The following RAB11A variants were observed in gnomAD, a reference collection of about 807,000 sequenced individuals.
The protein encoded by RAB11A is RAB11A, member RAS oncogene family.
Under a neutral mutation model 28.0 loss-of-function variants are expected in RAB11A, and 9 were observed. The ratio of observed to expected loss-of-function variants is 0.32; its 90% CI spans 0.19 to 0.56. The LOEUF (loss-of-function observed/expected upper bound fraction) is 0.56. Among genes scored for constraint, RAB11A ranks in the 20% least tolerant of loss-of-function variants. The pLI, the probability that RAB11A is intolerant of heterozygous loss-of-function variation, is 0.91. For missense variants in RAB11A, 108 were observed against 269.6 expected (o/e 0.40, Z 4.20); for synonymous variants, 85 against 88.2 (o/e 0.96, Z 0.20).
intron 1 of RAB11A, among the ~76,000 whole-genome samples, chr15:65,874,966 T>C (rs1466737364): frequency 6.6e-6 from 1 of 152,198 alleles, no homozygotes; most frequent in African/African-American, 2.4e-5. Flanking sequence ...GAGGATCCTC[T>C]GAGCCTGGGA....
chr15:65,877,290 G>A lies in RAB11A; in HGVS notation c.41-42G>A, dbSNP rs2078196568. The A allele has an allele frequency of 4.0e-6, 6 of 1,499,604 alleles. No individual in the cohort carries two copies. Among genetic ancestry groups the A allele is most frequent in the South Asian group, 1.2e-5 (1 of 83,044 alleles). 92.9% of individuals were successfully genotyped at this position (1,499,604 alleles called of 1,614,324 possible). A position where few individuals can be genotyped will look rare whatever the true frequency, so the allele number is the denominator to read the frequency against. ...GAAAGCATAGTGGTGTTCTGAATAT[G>A]TTTGCCTCATTCATCTGACATTGAA... On this transcript the variant is annotated intron_variant, in intron 1 of 4. Coordinates refer to ENST00000261890, the MANE Select transcript of RAB11A (RefSeq NM_004663.5). The surrounding 1 kb of genome is among the most constrained non-coding windows in gnomAD (Gnocchi z 4.1).
chr15:65,878,737 T>C (rs539154617), intron 3 of RAB11A, among the ~76,000 whole-genome samples: 1 of 152,344 alleles, frequency 6.6e-6, no homozygotes, highest in South Asian at 2.1e-4. Context: ...CACTAATGCT[T>C]ATGCTATGAA....
chr15:65,885,709 A>C (rs2078252197), intron 4 of RAB11A, among the ~76,000 whole-genome samples: 1 of 152,248 alleles, frequency 6.6e-6, no homozygotes, highest in African/African-American at 2.4e-5. Flanking sequence ...TAGGAGATCT[A>C]AATAGAAACC....
At position 65,887,795 on chromosome 15, in the gene RAB11A, A is replaced by G; in HGVS notation, c.606A>G (p.Pro202=). 6.2e-7 allele frequency: 1 copy of G among 1,613,706 alleles called. No individual in the cohort carries two copies. The highest frequency in any genetic ancestry group is 1.1e-5 in the South Asian group (1 of 91,008). ...SNNVVPIHVP[P]TTENKPKVQC... ...ATGTGGTTCCTATTCATGTTCCACCAACCACTGAAAACAAGCCAAAGGTGC... is the reference window on the plus strand; with the variant it reads ...ATGTGGTTCCTATTCATGTTCCACCGACCACTGAAAACAAGCCAAAGGTGC... Residue 202 remains proline, a synonymous_variant, in exon 5 of 5, where the codon CCA becomes CCG. Transcript: ENST00000261890.
intron 3 of RAB11A, among the ~76,000 whole-genome samples, chr15:65,878,373 T>C (rs2078201693): frequency 1.3e-5 from 2 of 152,096 alleles, no homozygotes; most frequent in Non-Finnish European, 2.9e-5. Context: ...GAAGACAACA[T>C]TGTGCATTGT....
At chr15:65,880,203 C>T (rs142482617) in intron 4 of RAB11A, among the ~76,000 whole-genome samples, 1 of 152,052 alleles carries the variant, frequency 6.6e-6, no homozygotes, top group Non-Finnish European at 1.5e-5. Flanking sequence ...GTATCCCTTG[C>T]GTATTCTATA....
rs915546937 is a variant in RAB11A, at chr15:65,869,545, A to G, written c.-41A>G. 5.0e-6 allele frequency: 8 copies of G among 1,604,670 alleles called. No individual in the cohort carries two copies. The highest frequency in any genetic ancestry group is 1.7e-5 in the Admixed American group (1 of 59,714). On this transcript the variant is annotated 5_prime_UTR_variant, in exon 1 of 5. Transcript: ENST00000261890. ...GCAGCGACGCCCCCTGGTCCCACAG[A>G]TACCACTGCTGCTCCCGCCCTTTCG...
Position 65,877,429 on chromosome 15 carries a change from A to G in RAB11A, c.138A>G (p.Val46=), listed in dbSNP as rs771254965. 6 of 1,614,016 alleles carry G rather than the reference A, an allele frequency of 3.7e-6. No individual in the cohort carries two copies. Among genetic ancestry groups the G allele is most frequent in the Non-Finnish European group, 5.1e-6 (6 of 1,179,972 alleles). The change falls in exon 2 of 5, where the codon GTA becomes GTG. Residue 46 remains valine (V), a synonymous_variant. Transcript: ENST00000261890. The surrounding 1 kb of genome is among the most constrained non-coding windows in gnomAD (Gnocchi z 4.1). ...TGGAAAGCAAGAGCACCATTGGAGT[A>G]GAGTTTGCAACAAGAAGCATCCAGG... ...FNLESKSTIG[V]EFATRSIQVD...
chr15:65,874,484 A>G (rs1596783077), intron 1 of RAB11A, among the ~76,000 whole-genome samples: 1 of 151,808 alleles, frequency 6.6e-6, no homozygotes, highest in African/African-American at 2.4e-5. Flanking sequence ...CAGGTGATCC[A>G]CCCTCCTTGG....
At chr15:65,869,735 C>A in intron 1 of RAB11A, 110 bp downstream of exon 1, 4 of 1,188,812 alleles carry the variant, frequency 3.4e-6, no homozygotes, top group Non-Finnish European at 4.6e-6. Context: ...CTCCCTCAGC[C>A]CTTCCTTTTT....
At chr15:65,887,565 A>T in intron 4 of RAB11A, 136 bp from the exon 5 acceptor site, 2 of 817,034 alleles carry the variant, frequency 2.4e-6, no homozygotes, top group East Asian at 6.4e-5. Context: ...TGAAAATAAA[A>T]CTTTAAATTT....
intron 4 of RAB11A, 78 bp downstream of exon 4, chr15:65,879,829 T>C: frequency 1.8e-6 from 2 of 1,103,356 alleles, no homozygotes; most frequent in Admixed American, 4.2e-5. Context: ...AATCAGTAAC[T>C]AAACTATATA....
In RAB11A at chr15:65,890,122, A is replaced by T. The variant is rs2078281214; in HGVS notation, c.*2282A>T. 1 of 149,852 alleles carries T rather than the reference A, an allele frequency of 6.7e-6. No individual in the cohort carries two copies. Among genetic ancestry groups the T allele is most frequent in the South Asian group, 2.1e-4 (1 of 4,772 alleles). The allele number at this position is 149,852 out of a possible 1,614,324, so 9.3% of individuals were successfully genotyped here. On this transcript the variant is annotated 3_prime_UTR_variant, in exon 5 of 5. Transcript: ENST00000261890. The stretch of plus-strand genomic sequence containing the variant: ...GCCCAGGCTGGAGTACAATGGCACC[A>T]TCTCAGCTCACTGCAAGCTCCACCT...
In RAB11A at chr15:65,891,644, T is replaced by C. The variant is rs2078297439; in HGVS notation, c.*3804T>C. ...CAATTAAAGCCAAATTATTAACATT[T>C]TAACTCAAGTTTAAATTTAATAGAG... On this transcript the variant is annotated 3_prime_UTR_variant, in exon 5 of 5. Coordinates refer to ENST00000261890, the MANE Select transcript of RAB11A (RefSeq NM_004663.5). The C allele has an allele frequency of 6.6e-6, 1 of 152,250 alleles. No individual in the cohort carries two copies. The highest frequency in any genetic ancestry group is 1.5e-5 in the Non-Finnish European group (1 of 68,032). The allele number at this position is 152,250 out of a possible 1,614,324, so 9.4% of individuals were successfully genotyped here. A position where few individuals can be genotyped will look rare whatever the true frequency, so the allele number is the denominator to read the frequency against.
At chr15:65,871,070 A>T (rs2141099317) in intron 1 of RAB11A, among the ~76,000 whole-genome samples, 1 of 152,272 alleles carries the variant, frequency 6.6e-6, no homozygotes, top group Non-Finnish European at 1.5e-5. Context: ...TTTACTGTGG[A>T]GGGTGGAGTT....
At chr15:65,884,578 G>A (rs753179738) in intron 4 of RAB11A, among the ~76,000 whole-genome samples, 39 of 152,266 alleles carry the variant, frequency 2.6e-4, no homozygotes, top group Non-Finnish European at 5.3e-4. Flanking sequence ...TTTGAGCAGT[G>A]TTGGTGTGTT....
At position 65,877,458 on chromosome 15, in the gene RAB11A, A is replaced by T; in HGVS notation, c.167A>T (p.Asp56Val). 1 of 1,614,176 alleles carries T rather than the reference A, an allele frequency of 6.2e-7. No individual in the cohort carries two copies. Among genetic ancestry groups the T allele is most frequent in the Non-Finnish European group, 8.5e-7 (1 of 1,180,014 alleles). The part of the protein sequence containing the change: ...VEFATRSIQV[D>V]GKTIKAQIWD... ...TTTGCAACAAGAAGCATCCAGGTTGATGGAAAAACAATAAAGGCACAGATA... is the reference window on the plus strand; with the variant it reads ...TTTGCAACAAGAAGCATCCAGGTTGTTGGAAAAACAATAAAGGCACAGATA... The change falls in exon 2 of 5, where the codon GAT becomes GTT. Residue 56 changes from aspartate to valine, a missense_variant. Asp to Val is a radical substitution (Grantham distance 152, BLOSUM62 -3). This residue lies in a region of RAB11A where 23 missense variants were observed against 123.7 expected (regional missense o/e 0.19). Transcript: ENST00000261890. The surrounding 1 kb of genome is among the most constrained non-coding windows in gnomAD (Gnocchi z 4.1).
Position 65,879,759 on chromosome 15 carries a change from T to G in RAB11A, c.511+8T>G. On this transcript the variant is annotated splice_region_variant and intron_variant, in intron 4 of 4. Coordinates refer to ENST00000261890, the MANE Select transcript of RAB11A (RefSeq NM_004663.5). ...TTCAGACAATTTTAACAGGTAAGAC[T>G]TGTATTTTCAGATTACACCAGTAGG... The G allele has an allele frequency of 6.5e-7, 1 of 1,545,934 alleles. No homozygotes were observed. Among genetic ancestry groups the G allele is most frequent in the Non-Finnish European group, 8.9e-7 (1 of 1,120,906 alleles).
rs376563091 is a variant in RAB11A, at chr15:65,872,564, A to T, written c.40+2939A>T. Among the ~76,000 whole-genome samples the T allele has an allele frequency of 3.1e-4, 47 of 151,288 alleles. 2 individuals carry two copies. Among genetic ancestry groups the T allele is most frequent in the African/African-American group, 1.0e-3 (42 of 41,196 alleles). ...ATTTTCCTGCCTCAGTCTCCCGAGTAGCTGGGATTACAGGCATGGACCACC... is the reference window on the plus strand; with the variant it reads ...ATTTTCCTGCCTCAGTCTCCCGAGTTGCTGGGATTACAGGCATGGACCACC... On this transcript the variant is annotated intron_variant, in intron 1 of 4. Coordinates refer to ENST00000261890, the MANE Select transcript of RAB11A (RefSeq NM_004663.5).
Sources: allele counts gnomAD v4.1 joint callset (sites outside exome capture counted in the v4.1 genomes callset), GRCh38; gene constraint gnomAD v4.1.1; regional missense constraint gnomAD v4.1.1; non-coding constraint Gnocchi (gnomAD v3.1); transcripts MANE v1.5; gene names NCBI Gene and HGNC (gene_info 2026-07-23, HGNC 2026-07-21).